Variants in GOLGA1 observed in about 807,000 individuals in gnomAD.
GOLGA1 encodes golgin subfamily A member 1.
A neutral mutation model predicts 119.7 loss-of-function variants in GOLGA1; 63 were observed. That is an observed-to-expected ratio of 0.53 (90% CI 0.43 to 0.65). The LOEUF (loss-of-function observed/expected upper bound fraction) is 0.65. Ranked by LOEUF, GOLGA1 falls within the 30% of genes least tolerant of loss-of-function variation. The pLI, the probability that GOLGA1 is intolerant of heterozygous loss-of-function variation, is 0.00. For synonymous variants in GOLGA1, 318 were observed against 333.4 expected (o/e 0.95, Z 0.50); for missense variants, 798 against 912.8 (o/e 0.87, Z 1.62).
intron 12 of GOLGA1, among the ~76,000 whole-genome samples, chr9:124,905,938 C>A (rs1336427399): frequency 1.3e-5 from 2 of 151,052 alleles, no homozygotes; most frequent in African/African-American, 2.4e-5. Flanking sequence ...CATGACAAAA[C>A]CCCGTCTCTG....
Position 124,881,694 on chromosome 9 carries a change from A to G in GOLGA1, c.2136+90T>C. ...GGCGTCAAACCAGGATGTACGAGGA[A>G]AAGAGAGAAAGGGGCTGGGCAGGGG... On this transcript the variant is annotated intron_variant, in intron 21 of 22. Transcript: ENST00000373555. This position sits in a 1 kb window ranked among gnomAD's most constrained non-coding sequence, Gnocchi z 4.9. The G allele has an allele frequency of 1.1e-6, 1 of 874,222 alleles. No individual in the cohort carries two copies. Among genetic ancestry groups the G allele is most frequent in the Non-Finnish European group, 1.8e-6 (1 of 555,454 alleles). The allele number at this position is 874,222 out of a possible 1,614,324, so 54.2% of individuals were successfully genotyped here.
At position 124,889,417 on chromosome 9, in the gene GOLGA1, AGGGACC is replaced by A. The variant is rs1361134323; in HGVS notation, c.1600+11_1600+16del. 1 of 1,599,708 alleles carries A rather than the reference AGGGACC, an allele frequency of 6.3e-7. No individual in the cohort carries two copies. Among genetic ancestry groups the A allele is most frequent in the Non-Finnish European group, 8.6e-7 (1 of 1,166,826 alleles). ...CCTGAAAAGGAGAGAAGGCTCAGCC[AGGGACC>A]GACTCCTCACCTCGCTCCAGCTGGA... On this transcript the variant is annotated intron_variant, in intron 17 of 22. Coordinates refer to ENST00000373555, the MANE Select transcript of GOLGA1 (RefSeq NM_002077.4).
chr9:124,881,313 G>C lies in GOLGA1; in HGVS notation c.2137-56C>G. The C allele has an allele frequency of 1.0e-6, 1 of 974,306 alleles. No homozygotes were observed. The highest frequency in any genetic ancestry group is 1.7e-6 in the Non-Finnish European group (1 of 595,242). 60.4% of individuals were successfully genotyped at this position (974,306 alleles called of 1,614,324 possible). On this transcript the variant is annotated intron_variant, in intron 21 of 22. Coordinates refer to ENST00000373555, the MANE Select transcript of GOLGA1 (RefSeq NM_002077.4). The surrounding 1 kb of genome is among the most constrained non-coding windows in gnomAD (Gnocchi z 4.9). Reference sequence around the variant, plus strand: ...CCTTGGTGAAGGTGAGGCGGGGTGGGGTCGGGGGAGCTACGTGGCATTTCC... The same window carrying C: ...CCTTGGTGAAGGTGAGGCGGGGTGGCGTCGGGGGAGCTACGTGGCATTTCC...
At position 124,931,400 on chromosome 9, in the gene GOLGA1, C is replaced by T. The variant is rs779800593; in HGVS notation, c.142G>A (p.Asp48Asn). 5.8e-6 allele frequency: 9 copies of T among 1,548,940 alleles called. No individual in the cohort carries two copies. The highest frequency in any genetic ancestry group is 4.5e-5 in the East Asian group (2 of 44,574). Residue 48 changes from aspartate (D) to asparagine (N), a missense_variant, in exon 4 of 23, where the codon GAT becomes AAT. By Grantham distance (23) the Asp-to-Asn change is conservative (BLOSUM62 1). Transcript: ENST00000373555. ...GADSGDDFAS[D>N]GSSSREDLSS... Reference sequence around the variant, plus strand: ...AGATCTTCTCTGGAGCTGCTTCCATCGGAAGCCTGTTGAGGTAGACACAAG... The same window carrying T: ...AGATCTTCTCTGGAGCTGCTTCCATTGGAAGCCTGTTGAGGTAGACACAAG...
chr9:124,896,156 G>A (rs1424854532), intron 15 of GOLGA1, among the ~76,000 whole-genome samples: 1 of 152,230 alleles, frequency 6.6e-6, no homozygotes, highest in Non-Finnish European at 1.5e-5. Context: ...GCTCACGCCT[G>A]TAATCCCAGC....
chr9:124,895,822 GA>G (rs1383634421), intron 15 of GOLGA1, among the ~76,000 whole-genome samples: 2 of 125,504 alleles, frequency 1.6e-5, no homozygotes, highest in African/African-American at 5.7e-5. Context: ...CCACAACAGA[GA>G]ACCCTCCACA....
intron 12 of GOLGA1, among the ~76,000 whole-genome samples, chr9:124,901,272 A>ATT (rs35565039): frequency 1.6e-4 from 18 of 110,016 alleles, no homozygotes; most frequent in African/African-American, 5.0e-4. Context: ...TGCCCGGCCT[A>ATT]TTTTTTTTTT....
rs149333481 is a variant in GOLGA1 at position 124,898,952 on chromosome 9, T to G, written c.1312-308A>C. On this transcript the variant is annotated intron_variant, in intron 14 of 22. Transcript: ENST00000373555. ...GGCTCATGCCTATAATTCCAGCACT[T>G]TGGGAGGCTGAGGTGGGCAGATCCC... Among the ~76,000 whole-genome samples the G allele has an allele frequency of 9.8e-3, 1,486 of 152,168 alleles. 19 individuals carry two copies. Among genetic ancestry groups the G allele is most frequent in the African/African-American group, 0.034 (1,415 of 41,526 alleles).
At chr9:124,910,264 C>G (rs369852758) in intron 11 of GOLGA1, among the ~76,000 whole-genome samples, 7 of 151,368 alleles carry the variant, frequency 4.6e-5, no homozygotes, top group African/African-American at 7.3e-5. Flanking sequence ...GGGGTTTTGC[C>G]ATGTTGGCCA....
At chr9:124,942,502 AAACT>A (rs1284631693), upstream of GOLGA1, 1 of 152,316 alleles carries the variant, frequency 6.6e-6, no homozygotes, top group East Asian at 1.9e-4. Flanking sequence ...AAACATTGAC[AAACT>A]AACAAGAAGC....
At chr9:124,904,048 C>A (rs1177635643) in intron 12 of GOLGA1, among the ~76,000 whole-genome samples, 1 of 144,372 alleles carries the variant, frequency 6.9e-6, no homozygotes, top group Non-Finnish European at 1.5e-5. Flanking sequence ...GATGACGGAG[C>A]AAGACTCCAT....
At chr9:124,911,614 G>A (rs1284522273) in intron 11 of GOLGA1, among the ~76,000 whole-genome samples, 3 of 152,244 alleles carry the variant, frequency 2.0e-5, no homozygotes, top group East Asian at 3.8e-4. Context: ...AGAAAGACAA[G>A]GCAGCCCAAG....
Position 124,880,594 on chromosome 9 carries a change from G to T in GOLGA1, c.2240C>A (p.Ser747Tyr). 1 of 1,607,504 alleles carries T rather than the reference G, an allele frequency of 6.2e-7. No individual in the cohort carries two copies. The highest frequency in any genetic ancestry group is 1.1e-5 in the South Asian group (1 of 90,914). The change falls in exon 23 of 23, where the codon TCC becomes TAC. Residue 747 changes from serine to tyrosine, a missense_variant. Ser to Tyr is a moderately radical substitution (Grantham distance 144, BLOSUM62 -2). Transcript: ENST00000373555. Reference sequence around the variant, plus strand: ...GATGCTGCCCTTGGGAGCTGGTTTGGACCCAAACCATGACATCTGCATTTG... The same window carrying T: ...GATGCTGCCCTTGGGAGCTGGTTTGTACCCAAACCATGACATCTGCATTTG... ...TLEYKMSWFG[S>Y]KPAPKGSIRP...
In GOLGA1 at chr9:124,923,082, C is replaced by T; in HGVS notation, c.561+13G>A. 1 of 1,596,948 alleles carries T rather than the reference C, an allele frequency of 6.3e-7. No homozygotes were observed. The highest frequency in any genetic ancestry group is 1.1e-5 in the South Asian group (1 of 88,766). ...TCTATTCAGTATTTAGCTACTAAAA[C>T]AAAAATGCATACCATGTGCTTTATT... On this transcript the variant is annotated intron_variant, in intron 8 of 22. Coordinates refer to ENST00000373555, the MANE Select transcript of GOLGA1 (RefSeq NM_002077.4).
At chr9:124,941,741 G>A (rs540010249), upstream of GOLGA1, among the ~76,000 whole-genome samples, 99 of 152,300 alleles carry the variant, frequency 6.5e-4, no homozygotes, top group African/African-American at 2.3e-3. Flanking sequence ...TATTGGATTA[G>A]CTTCACCATC....
chr9:124,925,150 C>T, intron 7 of GOLGA1, among the ~76,000 whole-genome samples: 1 of 151,882 alleles, frequency 6.6e-6, no homozygotes, highest in East Asian at 1.9e-4. Context: ...GAGAAAATTC[C>T]CTTTGTGAAC....
At chr9:124,910,606 A>T (rs1483419233) in intron 11 of GOLGA1, among the ~76,000 whole-genome samples, 1 of 152,172 alleles carries the variant, frequency 6.6e-6, no homozygotes, top group Non-Finnish European at 1.5e-5. Context: ...AAACACAAAG[A>T]GATTAAATTA....
chr9:124,946,011 T>C (rs951660693), upstream of GOLGA1: 2 of 152,232 alleles, frequency 1.3e-5, no homozygotes, highest in African/African-American at 4.8e-5. The surrounding 1 kb of genome is among the most constrained non-coding windows in gnomAD (Gnocchi z 4.0). Context: ...CTCAAAGTTA[T>C]TGGCTTTACA....
chr9:124,893,922 G>A (rs1378889077), intron 15 of GOLGA1, among the ~76,000 whole-genome samples: 1 of 152,146 alleles, frequency 6.6e-6, no homozygotes, highest in Non-Finnish European at 1.5e-5. Context: ...GTCCTCAGGT[G>A]AGCTGGTCTG....
Sources: allele counts gnomAD v4.1 joint callset (sites outside exome capture counted in the v4.1 genomes callset), GRCh38; gene constraint gnomAD v4.1.1; non-coding constraint Gnocchi (gnomAD v3.1); transcripts MANE v1.5; gene names NCBI Gene and HGNC (gene_info 2026-07-23, HGNC 2026-07-21).